Variants in CBFA2T2 observed in about 807,000 individuals in gnomAD.
CBFA2T2 encodes the protein CBFA2/RUNX1 partner transcriptional co-repressor 2, also known as protein CBFA2T2.
CBFA2T2 carries 11 observed loss-of-function variants against 62.2 expected under a neutral mutation model. The ratio of observed to expected loss-of-function variants is 0.18; its 90% CI spans 0.11 to 0.29. The LOEUF is 0.29. Among genes scored for constraint, CBFA2T2 ranks in the 10% least tolerant of loss-of-function variants. CBFA2T2 has a pLI of 1.00. For synonymous variants in CBFA2T2, 295 were observed against 287.5 expected, an observed-to-expected ratio of 1.03 and a Z score of -0.27; for missense variants, 592 against 774.1, an observed-to-expected ratio of 0.76 and a Z score of 2.79.
intron 8 of CBFA2T2, among the ~76,000 whole-genome samples, chr20:33,630,401 G>T (rs1250717101): frequency 6.6e-6 from 1 of 152,182 alleles, no homozygotes; most frequent in Non-Finnish European, 1.5e-5. Context: ...TATGTACTAG[G>T]CACTCTTGTG....
chr20:33,611,293 T>A lies in CBFA2T2; in HGVS notation c.378T>A (p.Pro126=). ...TLQQFGNDIS[P]EIGEKVRTLV... is the part of the protein sequence containing the mutation. ...AACAGTTTGGCAATGACATCTCCCC[T>A]GAGATTGGGGAGAAGGTGCGGACTC... The change falls in exon 3 of 11, where the codon CCT becomes CCA. Residue 126 remains proline, a synonymous_variant. Transcript: ENST00000342704. The A allele has an allele frequency of 5.0e-6, 8 of 1,611,666 alleles. No individual in the cohort carries two copies. The highest frequency in any genetic ancestry group is 6.8e-6 in the Non-Finnish European group (8 of 1,177,722).
chr20:33,630,794 T>C (rs1444315918), intron 8 of CBFA2T2, among the ~76,000 whole-genome samples: 1 of 152,216 alleles, frequency 6.6e-6, no homozygotes, highest in Non-Finnish European at 1.5e-5. Flanking sequence ...GTATGTTCCA[T>C]TGAAGGCAGC....
intron 4 of CBFA2T2, among the ~76,000 whole-genome samples, chr20:33,620,767 G>T (rs1568857857): frequency 6.6e-6 from 1 of 150,766 alleles, no homozygotes; most frequent in Non-Finnish European, 1.5e-5. Flanking sequence ...GGTGCAGGTT[G>T]CAGTGAGCCA....
At chr20:33,590,236 C>T (rs1039886885) in intron 1 of CBFA2T2, among the ~76,000 whole-genome samples, 1 of 147,114 alleles carries the variant, frequency 6.8e-6, no homozygotes, top group African/African-American at 2.5e-5. Flanking sequence ...GATGCTGTCT[C>T]ATCTTTTTTT....
chr20:33,509,547 G>A (rs567509383), intron 1 of CBFA2T2, among the ~76,000 whole-genome samples: 49 of 152,034 alleles, frequency 3.2e-4, no homozygotes, highest in Middle Eastern at 3.4e-3. Flanking sequence ...AAAGGTCCTG[G>A]CTGGGCACGG....
At chr20:33,495,546 G>C (rs1225394133) in intron 1 of CBFA2T2, among the ~76,000 whole-genome samples, 2 of 152,000 alleles carry the variant, frequency 1.3e-5, no homozygotes, top group East Asian at 3.9e-4. Context: ...AAAAAAATCA[G>C]CTGGGCGTGG....
chr20:33,499,411 T>C (rs963597784), intron 1 of CBFA2T2, among the ~76,000 whole-genome samples: 2 of 152,212 alleles, frequency 1.3e-5, no homozygotes, highest in Admixed American at 1.3e-4. Context: ...TTTAGTAAGA[T>C]TACCAAGGAA....
intron 1 of CBFA2T2, among the ~76,000 whole-genome samples, chr20:33,538,129 T>C (rs2012316911): frequency 6.6e-6 from 1 of 150,922 alleles, no homozygotes; most frequent in Admixed American, 6.6e-5. Flanking sequence ...TTATTTTAAT[T>C]AATGTTTCTC....
At chr20:33,564,593 T>C (rs2013220332) in intron 1 of CBFA2T2, among the ~76,000 whole-genome samples, 1 of 152,062 alleles carries the variant, frequency 6.6e-6, no homozygotes, top group South Asian at 2.1e-4. Context: ...TTTCTTTTTT[T>C]TGGGACATGG....
At chr20:33,556,735 A>G in intron 1 of CBFA2T2, among the ~76,000 whole-genome samples, 1 of 152,002 alleles carries the variant, frequency 6.6e-6, no homozygotes, top group Non-Finnish European at 1.5e-5. Context: ...GCACCCTACT[A>G]GTGGTAATTT....
At chr20:33,632,176 T>A (rs1021543843) in intron 8 of CBFA2T2, among the ~76,000 whole-genome samples, 1 of 152,140 alleles carries the variant, frequency 6.6e-6, no homozygotes, top group Non-Finnish European at 1.5e-5. Context: ...CCTGAGTAGC[T>A]GGGATTACAG....
At chr20:33,513,720 A>G (rs2011548455) in intron 1 of CBFA2T2, among the ~76,000 whole-genome samples, 1 of 145,140 alleles carries the variant, frequency 6.9e-6, no homozygotes, top group Admixed American at 6.9e-5. Context: ...AGGCTGAGGC[A>G]GGAGAATCGC....
At chr20:33,568,005 A>C (rs1300085379) in intron 1 of CBFA2T2, among the ~76,000 whole-genome samples, 1 of 152,168 alleles carries the variant, frequency 6.6e-6, no homozygotes, top group Non-Finnish European at 1.5e-5. Context: ...CCTTCAGACA[A>C]GGCGGGGACT....
At chr20:33,494,243 G>A (rs3930541) in intron 1 of CBFA2T2, among the ~76,000 whole-genome samples, 6,281 of 29,822 alleles carry the variant, frequency 0.21, 568 homozygotes, top group Non-Finnish European at 0.25. Flanking sequence ...ATATATATGT[G>A]TATATATATA....
chr20:33,544,581 T>A (rs1325333857), intron 1 of CBFA2T2, among the ~76,000 whole-genome samples: 2 of 152,194 alleles, frequency 1.3e-5, no homozygotes, highest in African/African-American at 4.8e-5. Context: ...GGAGTCTCGC[T>A]CTGTCACCCA....
chr20:33,614,286 C>T (rs942108137), intron 3 of CBFA2T2, among the ~76,000 whole-genome samples: 1 of 151,974 alleles, frequency 6.6e-6, no homozygotes, highest in Non-Finnish European at 1.5e-5. Context: ...TTTAAGTAGA[C>T]AGTTCAGTGG....
At chr20:33,519,289 G>T (rs1372008401) in intron 1 of CBFA2T2, among the ~76,000 whole-genome samples, 1 of 152,044 alleles carries the variant, frequency 6.6e-6, no homozygotes, top group Non-Finnish European at 1.5e-5. Context: ...GGCCGACAAG[G>T]TGAAGCCCCA....
At chr20:33,547,379 T>A (rs1028114655) in intron 1 of CBFA2T2, among the ~76,000 whole-genome samples, 2 of 151,658 alleles carry the variant, frequency 1.3e-5, no homozygotes, top group African/African-American at 4.8e-5. Flanking sequence ...GGGTAACACA[T>A]CTCTGAGAAA....
At chr20:33,563,137 A>C (rs2013151421) in intron 1 of CBFA2T2, among the ~76,000 whole-genome samples, 1 of 152,256 alleles carries the variant, frequency 6.6e-6, no homozygotes, top group Admixed American at 6.5e-5. Flanking sequence ...GGTTGAAGCA[A>C]AACTAACAGC....
Sources: gnomAD v4.1 joint callset for allele counts (sites outside exome capture counted in the v4.1 genomes callset) on GRCh38, gnomAD v4.1.1 for gene constraint, MANE v1.5 for transcripts, NCBI Gene and HGNC (gene_info 2026-07-23, HGNC 2026-07-21) for gene names.